The following COL25A1 variants were observed in gnomAD, a reference collection of about 807,000 sequenced individuals.
COL25A1 encodes collagen alpha-1(XXV) chain.
COL25A1 carries 103 observed loss-of-function variants against 128.4 expected under a neutral mutation model. The observed-to-expected ratio is 0.80, with a 90% CI of 0.68 to 0.94. The LOEUF (loss-of-function observed/expected upper bound fraction) is 0.94, where lower values mean the gene tolerates loss of function less well. COL25A1 is among the 40% of genes least tolerant of loss of function. The pLI, the probability that COL25A1 is intolerant of heterozygous loss-of-function variation, is 0.00. For missense variants in COL25A1, 745 were observed against 840.0 expected (o/e 0.89, Z 1.40); for synonymous variants, 279 against 277.2 (o/e 1.01, Z -0.06).
intron 10 of COL25A1, among the ~76,000 whole-genome samples, chr4:108,938,714 A>T (rs1230553495): frequency 5.3e-5 from 8 of 152,170 alleles, no homozygotes. Flanking sequence ...AAAATTAGCC[A>T]GGCATGGTGG....
At position 109,081,130 on chromosome 4, in the gene COL25A1, C is replaced by T. The variant is rs567519083; in HGVS notation, c.368-30951G>A. 9.2e-5 allele frequency among the ~76,000 whole-genome samples: 14 copies of T among 152,284 alleles called. No homozygotes were observed. The East Asian group carries it at 2.7e-3, about 29-fold the overall frequency. On this transcript the variant is annotated intron_variant, in intron 3 of 37. Coordinates refer to ENST00000399132, the MANE Select transcript of COL25A1 (RefSeq NM_198721.4). ...CATCATAATTTACTGTGCATCTCCT[C>T]TGCCTCACACGTATGAATTGATTAA...
At chr4:108,847,185 C>T (rs143902806) in intron 27 of COL25A1, among the ~76,000 whole-genome samples, 8 of 151,972 alleles carry the variant, frequency 5.3e-5, no homozygotes, top group Non-Finnish European at 7.4e-5. Flanking sequence ...GGATTACAGG[C>T]GTGAGCCACC....
chr4:109,114,154 ACT>A (rs1298339826), intron 3 of COL25A1, among the ~76,000 whole-genome samples: 1 of 152,070 alleles, frequency 6.6e-6, no homozygotes, highest in Non-Finnish European at 1.5e-5. Context: ...ATAAGGATAA[ACT>A]CTGCATACAT....
At chr4:108,833,110 G>A (rs1020334592) in intron 31 of COL25A1, among the ~76,000 whole-genome samples, 5 of 151,008 alleles carry the variant, frequency 3.3e-5, no homozygotes, top group African/African-American at 9.7e-5. Flanking sequence ...ACCCTTAACC[G>A]GGCGTGCTCT....
chr4:109,089,233 C>T (rs959148867), intron 3 of COL25A1, among the ~76,000 whole-genome samples: 8 of 152,262 alleles, frequency 5.3e-5, no homozygotes, highest in African/African-American at 1.7e-4. Context: ...AGAGAAAGGA[C>T]CATTTAATCA....
chr4:109,079,495 A>G (rs1763652593), intron 3 of COL25A1, among the ~76,000 whole-genome samples: 1 of 152,168 alleles, frequency 6.6e-6, no homozygotes, highest in African/African-American at 2.4e-5. Flanking sequence ...GAAAAGCTGA[A>G]AAATAACACA....
At chr4:109,167,165 A>G (rs1407260389) in intron 3 of COL25A1, among the ~76,000 whole-genome samples, 2 of 152,210 alleles carry the variant, frequency 1.3e-5, no homozygotes, top group South Asian at 4.1e-4. Context: ...AGGAATTTGT[A>G]TAACATCTTA....
At chr4:109,283,288 T>C (rs1056282990) in intron 3 of COL25A1, among the ~76,000 whole-genome samples, 1 of 152,166 alleles carries the variant, frequency 6.6e-6, no homozygotes, top group Non-Finnish European at 1.5e-5. Context: ...CACTCTATTG[T>C]ATAGGCTGGA....
At chr4:108,896,402 A>G (rs1309891339) in intron 16 of COL25A1, among the ~76,000 whole-genome samples, 2 of 152,150 alleles carry the variant, frequency 1.3e-5, no homozygotes, top group African/African-American at 4.8e-5. Flanking sequence ...TGAAAGCCAT[A>G]TTACTGAAAA....
chr4:108,931,029 C>T (rs1216908969), intron 11 of COL25A1, among the ~76,000 whole-genome samples: 1 of 152,120 alleles, frequency 6.6e-6, no homozygotes, highest in Non-Finnish European at 1.5e-5. Context: ...ACAAGAGTCA[C>T]TTATTTTGCT....
chr4:108,820,004 T>C, intron 35 of COL25A1: 1 of 438,262 alleles, frequency 2.3e-6, no homozygotes, highest in East Asian at 3.5e-5. Context: ...CATTTACCAC[T>C]GTTTTCTGAT....
rs35912073 is a variant in COL25A1, at chr4:109,041,372, T to TAA, written c.420+6794_420+6795dup. 6.7e-3 allele frequency among the ~76,000 whole-genome samples: 1,021 copies of TAA among 151,310 alleles called. 11 individuals carry two copies. The highest frequency in any genetic ancestry group is 0.019 in the African/African-American group (777 of 41,268). The stretch of plus-strand genomic sequence containing the variant: ...TTTAAATTTATGTCACCCCCTTTTT[T>TAA]AAAAAAAAATCCCCTTCCTTTAATT... On this transcript the variant is annotated intron_variant, in intron 5 of 37. Coordinates refer to ENST00000399132, the MANE Select transcript of COL25A1 (RefSeq NM_198721.4).
At chr4:109,006,472 T>C (rs1458005784) in intron 6 of COL25A1, among the ~76,000 whole-genome samples, 1 of 139,288 alleles carries the variant, frequency 7.2e-6, no homozygotes, top group Non-Finnish European at 1.5e-5. Flanking sequence ...ACACCTGACC[T>C]CAAGTGATCT....
At chr4:109,070,767 T>C (rs1762882831) in intron 3 of COL25A1, among the ~76,000 whole-genome samples, 2 of 146,354 alleles carry the variant, frequency 1.4e-5, no homozygotes, top group African/African-American at 5.1e-5. Flanking sequence ...TTCCCAACTA[T>C]GAGTGAGAAC....
chr4:108,918,843 G>C (rs149327441), intron 12 of COL25A1, among the ~76,000 whole-genome samples: 106 of 152,316 alleles, frequency 7.0e-4, no homozygotes, highest in Non-Finnish European at 1.0e-3. Context: ...GTGTAAGCAC[G>C]TGTGGGCGTG....
At chr4:109,043,762 C>T (rs949894005) in intron 5 of COL25A1, among the ~76,000 whole-genome samples, 1 of 152,030 alleles carries the variant, frequency 6.6e-6, no homozygotes, top group African/African-American at 2.4e-5. Context: ...TTTAAAAACC[C>T]TAAAGTCATT....
intron 3 of COL25A1, among the ~76,000 whole-genome samples, chr4:109,292,394 G>A (rs1454979723): frequency 2.0e-5 from 3 of 151,956 alleles, no homozygotes; most frequent in Admixed American, 1.3e-4. Context: ...TAAAAGGCAT[G>A]GGGATGAGAA....
intron 6 of COL25A1, among the ~76,000 whole-genome samples, chr4:108,997,270 A>G (rs1363865156): frequency 1.3e-5 from 2 of 152,212 alleles, no homozygotes; most frequent in Non-Finnish European, 2.9e-5. Context: ...AAATAGATGC[A>G]ATAAAAAATG....
intron 5 of COL25A1, among the ~76,000 whole-genome samples, chr4:109,047,368 C>G (rs1001583287): frequency 1.3e-5 from 2 of 152,088 alleles, no homozygotes; most frequent in Non-Finnish European, 2.9e-5. Flanking sequence ...GGTGTGTGAT[C>G]ATATCAAAAA....
Sources: allele counts gnomAD v4.1 joint callset (sites outside exome capture counted in the v4.1 genomes callset), GRCh38; gene constraint gnomAD v4.1.1; transcripts MANE v1.5; gene names NCBI Gene and HGNC (gene_info 2026-07-23, HGNC 2026-07-21).